The following MTR variants were observed in gnomAD, a reference collection of about 807,000 sequenced individuals.
The protein encoded by MTR is 5-methyltetrahydrofolate-homocysteine methyltransferase, also known as methionine synthase.
Under a neutral mutation model 154.8 loss-of-function variants are expected in MTR, and 84 were observed. The observed-to-expected ratio is 0.54, with a 90% CI of 0.45 to 0.65. The LOEUF (loss-of-function observed/expected upper bound fraction) is 0.65, where lower values mean the gene tolerates loss of function less well. Among genes scored for constraint, MTR ranks in the 30% least tolerant of loss-of-function variants. MTR has a pLI of 0.00. For missense variants in MTR, 1,275 were observed against 1,570.2 expected, an observed-to-expected ratio of 0.81 and a Z score of 3.18; for synonymous variants, 554 against 553.9, an observed-to-expected ratio of 1.00 and a Z score of 0.00.
intron 1 of MTR, among the ~76,000 whole-genome samples, chr1:236,800,796 A>C (rs896249534): frequency 1.3e-5 from 2 of 152,234 alleles, no homozygotes; most frequent in African/African-American, 2.4e-5. Context: ...TCATTTCATG[A>C]CTTGTGTGAC....
intron 22 of MTR, among the ~76,000 whole-genome samples, chr1:236,870,709 C>T (rs1041973711): frequency 6.6e-6 from 1 of 152,152 alleles, no homozygotes; most frequent in African/African-American, 2.4e-5. Flanking sequence ...ACTTACATAT[C>T]CAGTGGACTC....
In MTR at chr1:236,816,438, T is replaced by C. The variant is rs747672071; in HGVS notation, c.670-11T>C. On this transcript the variant is annotated splice_polypyrimidine_tract_variant and intron_variant, in intron 7 of 32. Coordinates refer to ENST00000366577, the MANE Select transcript of MTR (RefSeq NM_000254.3). The stretch of plus-strand genomic sequence containing the variant: ...TCTGTATTGTTGACTTTGTTTACTT[T>C]GTCAATTCAGATTTCAGGGACGATC... 1.9e-6 allele frequency: 3 copies of C among 1,611,390 alleles called. No individual in the cohort carries two copies. The highest frequency in any genetic ancestry group is 1.7e-6 in the Non-Finnish European group (2 of 1,177,594).
Position 236,886,339 on chromosome 1 carries a change from A to G in MTR, c.2823A>G (p.Gln941=). 1 of 1,614,168 alleles carries G rather than the reference A, an allele frequency of 6.2e-7. No individual in the cohort carries two copies. Among genetic ancestry groups the G allele is most frequent in the Non-Finnish European group, 8.5e-7 (1 of 1,180,022 alleles). ...GTCAAGCCAGAAAAAGTGGTTTCCA[A>G]ATGGATTGGCTGTCTGAACCTCACC... The part of the protein sequence containing the change: ...PLSQARKSGF[Q]MDWLSEPHPV... The change falls in exon 27 of 33, where the codon CAA becomes CAG. Residue 941 remains glutamine, a synonymous_variant. Coordinates refer to ENST00000366577, the MANE Select transcript of MTR (RefSeq NM_000254.3).
chr1:236,874,977 C>G, intron 24 of MTR, 131 bp downstream of exon 24: 2 of 1,063,488 alleles, frequency 1.9e-6, no homozygotes, highest in Admixed American at 4.2e-5. Flanking sequence ...TATATAAACA[C>G]AAACATTTTC....
chr1:236,893,999 A>ATT (rs373628591), intron 29 of MTR, among the ~76,000 whole-genome samples: 3 of 146,330 alleles, frequency 2.1e-5, no homozygotes, highest in Admixed American at 1.4e-4. Context: ...TTGGGGACAA[A>ATT]TTTTTTTTTT....
intron 25 of MTR, 53 bp downstream of exon 25, chr1:236,880,889 CA>C: frequency 6.7e-7 from 1 of 1,491,442 alleles, no homozygotes; most frequent in South Asian, 1.1e-5. Context: ...GCTTGCATTA[CA>C]AGTAAGGGTT....
chr1:236,870,064 T>A (rs1665039455), intron 22 of MTR, among the ~76,000 whole-genome samples: 1 of 152,198 alleles, frequency 6.6e-6, no homozygotes, highest in Non-Finnish European at 1.5e-5. Flanking sequence ...ACCCATTCTC[T>A]TTCCTGCTGG....
At chr1:236,858,164 A>G (rs1444433222) in intron 18 of MTR, among the ~76,000 whole-genome samples, 2 of 152,180 alleles carry the variant, frequency 1.3e-5, no homozygotes, top group Non-Finnish European at 2.9e-5. Context: ...AGACTGGGTA[A>G]TTTATGAAGA....
At chr1:236,868,814 TTCAGC>T in intron 22 of MTR, among the ~76,000 whole-genome samples, 1 of 152,242 alleles carries the variant, frequency 6.6e-6, no homozygotes, top group Non-Finnish European at 1.5e-5. Context: ...TGTTGGAACG[TTCAGC>T]TGAGTGAGGA....
At chr1:236,864,769 C>T (rs190751742) in intron 22 of MTR, among the ~76,000 whole-genome samples, 1 of 152,290 alleles carries the variant, frequency 6.6e-6, no homozygotes, top group Non-Finnish European at 1.5e-5. Context: ...TCATCACAGT[C>T]AGTTAAAATT....
At chr1:236,833,630 TTCA>T (rs1324714720) in intron 13 of MTR, among the ~76,000 whole-genome samples, 1 of 152,198 alleles carries the variant, frequency 6.6e-6, no homozygotes, top group Non-Finnish European at 1.5e-5. Context: ...CAGGTGACTC[TTCA>T]TTAGAGTCTA....
chr1:236,897,310 GCA>G (rs57786802), intron 32 of MTR, among the ~76,000 whole-genome samples, 192 bp downstream of exon 32: 1,309 of 128,538 alleles, frequency 0.01, 30 homozygotes, highest in African/African-American at 0.029. Context: ...CCACACACAC[GCA>G]CACACACACA....
Position 236,852,596 on chromosome 1 carries a change from C to G in MTR, c.1771C>G (p.Arg591Gly). ...CTCCTTCCGAGGAATGGAAGCCATT[C>G]GAGAAGCAATGCATGGGGTTTTCCT... ...SFSFRGMEAI[R>G]EAMHGVFLYH... Residue 591 changes from arginine to glycine, a missense_variant, in exon 17 of 33, where the codon CGA becomes GGA. Coordinates refer to ENST00000366577, the MANE Select transcript of MTR (RefSeq NM_000254.3). 1.2e-6 allele frequency: 2 copies of G among 1,613,960 alleles called. No individual in the cohort carries two copies. Among genetic ancestry groups the G allele is most frequent in the Non-Finnish European group, 1.7e-6 (2 of 1,179,950 alleles).
chr1:236,837,570 A>T (rs768526190), intron 14 of MTR, among the ~76,000 whole-genome samples: 15 of 152,318 alleles, frequency 9.8e-5, no homozygotes, highest in African/African-American at 3.1e-4. Flanking sequence ...CTAATATGGT[A>T]GTCACTTAAT....
chr1:236,897,310 G>GCGCACACACACACA, intron 32 of MTR, among the ~76,000 whole-genome samples, 192 bp downstream of exon 32: 1 of 128,682 alleles, frequency 7.8e-6, no homozygotes, highest in African/African-American at 2.7e-5. Flanking sequence ...CCACACACAC[G>GCGCACACACACACA]CACACACACA....
chr1:236,797,926 C>T (rs964664373), intron 1 of MTR, among the ~76,000 whole-genome samples: 7 of 150,622 alleles, frequency 4.6e-5, no homozygotes, highest in African/African-American at 1.7e-4. Flanking sequence ...CCACTGCACT[C>T]CATCCTGGGT....
chr1:236,824,184 G>T lies in MTR; in HGVS notation c.830G>T (p.Cys277Phe). 2 of 1,614,062 alleles carry T rather than the reference G, an allele frequency of 1.2e-6. No homozygotes were observed. Among genetic ancestry groups the T allele is most frequent in the Non-Finnish European group, 1.7e-6 (2 of 1,179,982 alleles). Reference sequence around the variant, plus strand: ...CCTTTTATTGAAATAATTGGAAAATGTACAACAGCCTATGTCCTCTGTTAT... The same window carrying T: ...CCTTTTATTGAAATAATTGGAAAATTTACAACAGCCTATGTCCTCTGTTAT... ...MRPFIEIIGK[C>F]TTAYVLCYPN... The change falls in exon 9 of 33, where the codon TGT becomes TTT. Residue 277 changes from cysteine to phenylalanine, a missense_variant. Physicochemically the swap from Cys to Phe is radical, Grantham distance 205 (BLOSUM62 -2). Transcript: ENST00000366577.
rs1375680985 is a variant in MTR at position 236,803,450 on chromosome 1, G to T, written c.57G>T (p.Arg19=). 6.2e-7 allele frequency: 1 copy of T among 1,614,090 alleles called. No homozygotes were observed. The highest frequency in any genetic ancestry group is 1.1e-5 in the South Asian group (1 of 91,074). The part of the protein sequence containing the change: ...SQPEGLKKTL[R]DEINAILQKR... ...AAGAAGGTCTGAAGAAAACCCTGCG[G>T]GATGAGATCAATGCCATTCTGCAGA... The change falls in exon 2 of 33, where the codon CGG becomes CGT. Residue 19 remains arginine (R), a synonymous_variant. Coordinates refer to ENST00000366577, the MANE Select transcript of MTR (RefSeq NM_000254.3).
rs752265784 is a variant in MTR at position 236,889,327 on chromosome 1, A to G, written c.2998A>G (p.Lys1000Glu). ...NRGFPKIFND[K>E]TVGGEARKVY... Reference sequence around the variant, plus strand: ...AGGCTTTCCCAAGATATTTAACGACAAAACAGTAGGTTAGTGCAGTAAGTC... The same window carrying G: ...AGGCTTTCCCAAGATATTTAACGACGAAACAGTAGGTTAGTGCAGTAAGTC... Residue 1000 changes from lysine (K) to glutamate (E), a missense_variant, in exon 28 of 33, where the codon AAA becomes GAA. Transcript: ENST00000366577. 6.2e-7 allele frequency: 1 copy of G among 1,614,228 alleles called. No homozygotes were observed. Among genetic ancestry groups the G allele is most frequent in the Non-Finnish European group, 8.5e-7 (1 of 1,180,046 alleles).
Sources: gnomAD v4.1 joint callset for allele counts (sites outside exome capture counted in the v4.1 genomes callset) on GRCh38, gnomAD v4.1.1 for gene constraint, MANE v1.5 for transcripts, NCBI Gene and HGNC (gene_info 2026-07-23, HGNC 2026-07-21) for gene names.